Variants in RSRC1 observed in about 807,000 individuals in gnomAD.
RSRC1 encodes the protein serine/Arginine-related protein 53.
A neutral mutation model predicts 49.1 loss-of-function variants in RSRC1; 39 were observed. That is an observed-to-expected ratio of 0.79 (90% CI 0.61 to 1.04). The LOEUF is 1.04. RSRC1 is among the 50% of genes least tolerant of loss of function. RSRC1 has a pLI of 0.00. For missense variants in RSRC1, 388 were observed against 402.4 expected, an observed-to-expected ratio of 0.96 and a Z score of 0.31; for synonymous variants, 143 against 130.8, an observed-to-expected ratio of 1.09 and a Z score of -0.63.
chr3:158,455,578 C>T (rs1301231296), intron 6 of RSRC1, among the ~76,000 whole-genome samples: 1 of 152,114 alleles, frequency 6.6e-6, no homozygotes, highest in Non-Finnish European at 1.5e-5. Context: ...CATCCTGAAT[C>T]ATGCCCTGAT....
At chr3:158,382,708 A>T (rs529096228) in intron 6 of RSRC1, among the ~76,000 whole-genome samples, 1 of 152,196 alleles carries the variant, frequency 6.6e-6, no homozygotes, top group African/African-American at 2.4e-5. Flanking sequence ...TGTCACTCTG[A>T]CCTCTGAGGA....
chr3:158,483,287 G>T (rs1335170956), intron 7 of RSRC1, among the ~76,000 whole-genome samples: 1 of 151,962 alleles, frequency 6.6e-6, no homozygotes, highest in Non-Finnish European at 1.5e-5. Context: ...AATATTTTCA[G>T]TTGGTGTGTT....
At chr3:158,268,883 T>G (rs1725352196) in intron 4 of RSRC1, among the ~76,000 whole-genome samples, 7 of 152,210 alleles carry the variant, frequency 4.6e-5, no homozygotes. Context: ...TGAACACTTT[T>G]GTTAATCATA....
intron 6 of RSRC1, among the ~76,000 whole-genome samples, chr3:158,388,255 A>G (rs918555856): frequency 2.0e-5 from 3 of 151,842 alleles, no homozygotes; most frequent in Non-Finnish European, 2.9e-5. Flanking sequence ...TTATTTTTAA[A>G]AATTGATTCT....
intron 4 of RSRC1, among the ~76,000 whole-genome samples, chr3:158,240,893 A>G (rs1723534885): frequency 6.6e-6 from 1 of 152,202 alleles, no homozygotes; most frequent in Non-Finnish European, 1.5e-5. Flanking sequence ...TACAATATAC[A>G]ATACAATAAA....
chr3:158,314,022 C>G (rs186682635), intron 5 of RSRC1, among the ~76,000 whole-genome samples: 10 of 152,300 alleles, frequency 6.6e-5, no homozygotes, highest in Non-Finnish European at 1.0e-4. Flanking sequence ...GGAATCCACA[C>G]CTGGATAAGA....
intron 4 of RSRC1, among the ~76,000 whole-genome samples, chr3:158,237,500 T>C (rs914614956): frequency 1.3e-5 from 2 of 152,224 alleles, no homozygotes. Flanking sequence ...ACATTTGGTG[T>C]TGTCAGTCCT....
In RSRC1 at chr3:158,183,632, T is replaced by C. The variant is rs1436478260; in HGVS notation, c.321-19440T>C. On this transcript the variant is annotated intron_variant, in intron 3 of 9. Transcript: ENST00000611884. Reference sequence around the variant, plus strand: ...TTGAATATGAGCCTAAAGATTCCTTTTCAGCTGGGTTCGGTGGCTCATGCC... The same window carrying C: ...TTGAATATGAGCCTAAAGATTCCTTCTCAGCTGGGTTCGGTGGCTCATGCC... Among the ~76,000 whole-genome samples the C allele has an allele frequency of 4.6e-5, 7 of 152,124 alleles. 1 individual carries two copies. Among genetic ancestry groups the C allele is most frequent in the South Asian group, 4.1e-4 (2 of 4,826 alleles).
At chr3:158,164,617 A>C (rs186459186) in intron 3 of RSRC1, among the ~76,000 whole-genome samples, 1 of 152,130 alleles carries the variant, frequency 6.6e-6, no homozygotes, top group Non-Finnish European at 1.5e-5. Flanking sequence ...GTAGGTAGCT[A>C]TGCTTATAAA....
chr3:158,403,973 GATAA>G (rs1370570613), intron 6 of RSRC1, among the ~76,000 whole-genome samples: 1 of 151,724 alleles, frequency 6.6e-6, no homozygotes, highest in Admixed American at 6.6e-5. Flanking sequence ...TGTCAACCAA[GATAA>G]ATAATTTATA....
rs1461582999 is a variant in RSRC1 at position 158,280,649 on chromosome 3, T to C, written c.495-17390T>C. 3.6e-5 allele frequency among the ~76,000 whole-genome samples: 5 copies of C among 139,440 alleles called. No homozygotes were observed. The East Asian group carries it at 1.0e-3, about 29-fold the overall frequency. The allele number at this position is 139,440 out of a possible 152,430, so 91.5% of individuals were successfully genotyped here. ...AATGAAGTGATTCCTTTTTTTTTTTTTTTTTTTTTTTTTTTGAGACGGAGT... is the reference window on the plus strand; with the variant it reads ...AATGAAGTGATTCCTTTTTTTTTTTCTTTTTTTTTTTTTTTGAGACGGAGT... On this transcript the variant is annotated intron_variant, in intron 4 of 9. Coordinates refer to ENST00000611884, the MANE Select transcript of RSRC1 (RefSeq NM_001271838.2).
At chr3:158,325,362 G>A (rs574955893) in intron 5 of RSRC1, among the ~76,000 whole-genome samples, 7 of 152,262 alleles carry the variant, frequency 4.6e-5, no homozygotes, top group South Asian at 4.1e-4. Context: ...ATGGTTTTAG[G>A]TCTAAGATTT....
At chr3:158,147,541 T>C (rs977377464) in intron 3 of RSRC1, among the ~76,000 whole-genome samples, 2 of 152,004 alleles carry the variant, frequency 1.3e-5, no homozygotes, top group African/African-American at 4.8e-5. Flanking sequence ...TCAAAAAACC[T>C]AACTTTAAAT....
intron 7 of RSRC1, among the ~76,000 whole-genome samples, chr3:158,516,820 C>A (rs536131992): frequency 1.3e-5 from 2 of 152,198 alleles, no homozygotes; most frequent in Non-Finnish European, 2.9e-5. Context: ...TTAAGCCCGT[C>A]GGAAAAGTGC....
chr3:158,135,132 C>T (rs904404324), intron 3 of RSRC1, among the ~76,000 whole-genome samples: 9 of 152,028 alleles, frequency 5.9e-5, no homozygotes, highest in East Asian at 1.9e-4. Flanking sequence ...ACCAAAATAC[C>T]GTACCAGCTA....
At chr3:158,152,970 T>C (rs1317464408) in intron 3 of RSRC1, among the ~76,000 whole-genome samples, 2 of 152,210 alleles carry the variant, frequency 1.3e-5, no homozygotes, top group African/African-American at 2.4e-5. Context: ...ATAATAAATG[T>C]AAAGATGCCT....
intron 4 of RSRC1, among the ~76,000 whole-genome samples, chr3:158,266,115 G>T (rs1398083581): frequency 6.6e-6 from 1 of 152,078 alleles, no homozygotes; most frequent in Admixed American, 6.6e-5. Context: ...CTATGAAGCA[G>T]TTGATTTTTA....
chr3:158,306,861 TTTTTA>T (rs1727865805), intron 5 of RSRC1, among the ~76,000 whole-genome samples: 1 of 151,972 alleles, frequency 6.6e-6, no homozygotes, highest in African/African-American at 2.4e-5. Context: ...AATATTCAGC[TTTTTA>T]TTTATTTTTT....
rs536714045 is a variant in RSRC1, at chr3:158,325,214, T to C, written c.531+27139T>C. Among the ~76,000 whole-genome samples, 32 of 152,308 alleles carry C rather than the reference T, an allele frequency of 2.1e-4. No individual in the cohort carries two copies. In the South Asian group the frequency reaches 3.9e-3, roughly 19 times the overall value. On this transcript the variant is annotated intron_variant, in intron 5 of 9. Coordinates refer to ENST00000611884, the MANE Select transcript of RSRC1 (RefSeq NM_001271838.2). ...TTCGATGGTAGTTTCTTTTGCTGTG[T>C]AGAAGCTCTTTAGTTTAATTAGATC...
Sources: allele counts gnomAD v4.1 joint callset (sites outside exome capture counted in the v4.1 genomes callset), GRCh38; gene constraint gnomAD v4.1.1; transcripts MANE v1.5; gene names NCBI Gene and HGNC (gene_info 2026-07-23, HGNC 2026-07-21).